Variants in PPP2R5C observed in about 807,000 individuals in gnomAD.
PPP2R5C encodes protein phosphatase 2 regulatory subunit B'gamma.
PPP2R5C carries 7 observed loss-of-function variants against 68.9 expected under a neutral mutation model. The observed-to-expected ratio is 0.10, with a 90% CI of 0.06 to 0.19. The LOEUF (loss-of-function observed/expected upper bound fraction) is 0.19, where lower values mean the gene tolerates loss of function less well. PPP2R5C is among the 10% of genes least tolerant of loss of function. The pLI is 1.00. For synonymous variants in PPP2R5C, 210 were observed against 222.2 expected (o/e 0.95, Z 0.49); for missense variants, 348 against 641.3 (o/e 0.54, Z 4.94).
chr14:101,808,183 T>A (rs542861083), upstream of PPP2R5C, among the ~76,000 whole-genome samples: 1 of 151,456 alleles, frequency 6.6e-6, no homozygotes, highest in Admixed American at 6.6e-5. Flanking sequence ...GGCCATCCCC[T>A]CCAGACAGAC....
chr14:101,764,986 G>C (rs951653893), intron 2 of PPP2R5C, among the ~76,000 whole-genome samples: 1 of 152,102 alleles, frequency 6.6e-6, no homozygotes, highest in Non-Finnish European at 1.5e-5. Flanking sequence ...CTGTAAGGAT[G>C]AATAATGTTA....
At chr14:101,809,887 A>C, upstream of PPP2R5C, 1 of 1,582,462 alleles carries the variant, frequency 6.3e-7, no homozygotes, top group Non-Finnish European at 8.6e-7. Context: ...TTTAAACTAA[A>C]ATGGAGGCTG....
At chr14:101,849,912 G>A (rs2042052044) in intron 1 of PPP2R5C, among the ~76,000 whole-genome samples, 2 of 152,116 alleles carry the variant, frequency 1.3e-5, no homozygotes, top group South Asian at 2.1e-4. Context: ...CTTGATTTCT[G>A]GAACAGCAAG....
chr14:101,840,393 G>A (rs2041387878), intron 1 of PPP2R5C, among the ~76,000 whole-genome samples: 1 of 143,702 alleles, frequency 7.0e-6, no homozygotes, highest in East Asian at 2.1e-4. Context: ...AGCAGCCAGC[G>A]TCTCTTGCCT....
chr14:101,801,370 C>A (rs997356194), intron 3 of PPP2R5C, among the ~76,000 whole-genome samples: 7 of 152,198 alleles, frequency 4.6e-5, no homozygotes, highest in Admixed American at 3.9e-4. Flanking sequence ...AAGAAAAACT[C>A]ATACCCATAC....
intron 5 of PPP2R5C, among the ~76,000 whole-genome samples, chr14:101,883,961 T>C (rs1013198471): frequency 6.6e-6 from 1 of 152,136 alleles, no homozygotes; most frequent in African/African-American, 2.4e-5. Flanking sequence ...GGGGAGTTTA[T>C]TAGGAGAGTT....
chr14:101,858,563 A>G (rs1205541384), intron 2 of PPP2R5C, among the ~76,000 whole-genome samples: 2 of 151,440 alleles, frequency 1.3e-5, no homozygotes, highest in Admixed American at 1.3e-4. Flanking sequence ...TTTCTTTTAA[A>G]TTTATTTTCT....
rs572579113 is a variant in PPP2R5C at position 101,784,514 on chromosome 14, G to T, written c.94-1504G>T. 3.3e-5 allele frequency among the ~76,000 whole-genome samples: 5 copies of T among 150,634 alleles called. No homozygotes were observed. The South Asian group carries it at 8.7e-4, about 26-fold the overall frequency. ...CAGCAGGAGAGAGAGAGAAAGTGGG[G>T]GGGGGGAACTGCCAAACACTTGTAA... is the stretch of plus-strand genomic sequence containing the variant. On this transcript the variant is annotated intron_variant, in intron 2 of 14. Transcript: ENST00000328724.
chr14:101,820,437 G>T (rs573587994), intron 1 of PPP2R5C: 2 of 152,228 alleles, frequency 1.3e-5, no homozygotes, highest in Non-Finnish European at 2.9e-5. Context: ...ACAAACAAGC[G>T]TGGGTGAAGA....
chr14:101,842,040 C>G (rs1167829744), intron 1 of PPP2R5C, among the ~76,000 whole-genome samples: 1 of 152,158 alleles, frequency 6.6e-6, no homozygotes, highest in Non-Finnish European at 1.5e-5. Context: ...CCCACCAAAC[C>G]CTGCTGTGTC....
chr14:101,831,617 C>T (rs1249779066), intron 1 of PPP2R5C: 3 of 601,308 alleles, frequency 5.0e-6, no homozygotes, highest in Non-Finnish European at 6.2e-6. Context: ...TAAATAAGTA[C>T]AAGAATTACA....
At chr14:101,774,255 CT>C (rs2037303352) in intron 2 of PPP2R5C, among the ~76,000 whole-genome samples, 2 of 152,208 alleles carry the variant, frequency 1.3e-5, no homozygotes, top group Admixed American at 1.3e-4. Context: ...GCTCTTGTGA[CT>C]TTTGGCCCCT....
chr14:101,880,336 G>A (rs28396068), intron 2 of PPP2R5C, among the ~76,000 whole-genome samples: 5,251 of 152,212 alleles, frequency 0.034, 193 homozygotes, highest in East Asian at 0.095. Context: ...TACAGTATCC[G>A]TGAAGGCCAT....
At chr14:101,869,608 C>CCTTGAG (rs2043269633) in intron 2 of PPP2R5C, among the ~76,000 whole-genome samples, 2 of 152,138 alleles carry the variant, frequency 1.3e-5, no homozygotes, top group Admixed American at 6.6e-5. Flanking sequence ...CCTTTTATCT[C>CCTTGAG]ATTTTGATTT....
At chr14:101,806,096 TTTG>T (rs1258420954), upstream of PPP2R5C, among the ~76,000 whole-genome samples, 1 of 152,206 alleles carries the variant, frequency 6.6e-6, no homozygotes, top group Non-Finnish European at 1.5e-5. Context: ...TTTTTATTTT[TTTG>T]TTTTTATTTT....
rs368368541 is a variant in PPP2R5C at position 101,796,818 on chromosome 14, C to T, written c.259+10635C>T. The T allele has an allele frequency of 4.6e-5, 11 of 241,130 alleles. No homozygotes were observed. In the East Asian group the frequency reaches 5.6e-4, roughly 12 times the overall value. The allele number at this position is 241,130 out of a possible 1,614,324, so 14.9% of individuals were successfully genotyped here. A position where few individuals can be genotyped will look rare whatever the true frequency, so the allele number is the denominator to read the frequency against. On this transcript the variant is annotated intron_variant, in intron 3 of 14. Transcript: ENST00000328724. ...ACAGAGACCACTTCTTGGACATTCC[C>T]GTCCTCTGTCTGGTCCAGCGCCCTG...
At chr14:101,791,105 A>G (rs1337175171) in intron 3 of PPP2R5C, among the ~76,000 whole-genome samples, 1 of 152,168 alleles carries the variant, frequency 6.6e-6, no homozygotes, top group Non-Finnish European at 1.5e-5. Flanking sequence ...AAAAGAAAAG[A>G]AAAAGAAACT....
chr14:101,826,844 T>C (rs2140307283), intron 1 of PPP2R5C, among the ~76,000 whole-genome samples: 1 of 152,268 alleles, frequency 6.6e-6, no homozygotes, highest in South Asian at 2.1e-4. Flanking sequence ...GCACTTAGTC[T>C]GAAATGGTCC....
intron 8 of PPP2R5C, among the ~76,000 whole-genome samples, chr14:101,900,463 G>A (rs1249818740): frequency 6.6e-6 from 1 of 152,230 alleles, no homozygotes; most frequent in Non-Finnish European, 1.5e-5. Flanking sequence ...GAGTCGGGTA[G>A]AAGCCCCGCG....
Sources: gnomAD v4.1 joint callset for allele counts (sites outside exome capture counted in the v4.1 genomes callset) on GRCh38, gnomAD v4.1.1 for gene constraint, MANE v1.5 for transcripts, NCBI Gene and HGNC (gene_info 2026-07-23, HGNC 2026-07-21) for gene names.